Variants in TUSC3 observed in about 807,000 individuals in gnomAD.
TUSC3 encodes the protein tumor suppressor candidate 3.
A neutral mutation model predicts 44.8 loss-of-function variants in TUSC3; 45 were observed. The ratio of observed to expected loss-of-function variants is 1.00; its 90% CI spans 0.79 to 1.29. TUSC3 has a LOEUF of 1.29. TUSC3 is among the 50% of genes most tolerant of loss of function. The pLI is 0.00. For synonymous variants in TUSC3, 212 were observed against 152.9 expected (o/e 1.39, Z -2.85); for missense variants, 519 against 437.9 (o/e 1.19, Z -1.65).
At chr8:15,782,464 G>A in the TUSC3 span, among the ~76,000 whole-genome samples, 6 of 152,144 alleles carry the variant, frequency 3.9e-5, no homozygotes, top group African/African-American at 1.4e-4. Flanking sequence ...TGGTGACACA[G>A]TGAGACCCTG....
the TUSC3 span, among the ~76,000 whole-genome samples, chr8:15,805,645 G>A: frequency 1.3e-5 from 2 of 152,098 alleles, no homozygotes; most frequent in African/African-American, 4.8e-5. Flanking sequence ...TGCATATGTT[G>A]AACCAATTTT....
intron 2 of TUSC3, among the ~76,000 whole-genome samples, chr8:15,523,524 G>A (rs548943159): frequency 6.0e-5 from 9 of 151,212 alleles, no homozygotes; most frequent in Non-Finnish European, 1.0e-4. Flanking sequence ...ACCCATCAAG[G>A]TATTGTGTTT....
intron 2 of TUSC3, among the ~76,000 whole-genome samples, chr8:15,486,922 C>T (rs967571310): frequency 1.3e-5 from 2 of 152,252 alleles, no homozygotes; most frequent in African/African-American, 4.8e-5. Context: ...TTTTTCTAAT[C>T]ACTTAAATCT....
chr8:15,691,327 A>G (rs562766052), intron 6 of TUSC3, among the ~76,000 whole-genome samples: 1 of 152,140 alleles, frequency 6.6e-6, no homozygotes, highest in Non-Finnish European at 1.5e-5. Flanking sequence ...TTTGGTGTAT[A>G]GGAATGCTAT....
chr8:15,658,603 A>G (rs1222857725), intron 3 of TUSC3, among the ~76,000 whole-genome samples: 1 of 151,036 alleles, frequency 6.6e-6, no homozygotes, highest in Non-Finnish European at 1.5e-5. Context: ...TTCCTGGGCA[A>G]CAGAAATTTA....
At chr8:15,634,932 A>G (rs201661557) in intron 2 of TUSC3, among the ~76,000 whole-genome samples, 1 of 152,192 alleles carries the variant, frequency 6.6e-6, no homozygotes, top group African/African-American at 2.4e-5. Context: ...TCCGTAGGCC[A>G]CTGCAGGAGG....
chr8:15,463,672 C>T (rs1423400503), intron 1 of TUSC3, among the ~76,000 whole-genome samples: 2 of 152,034 alleles, frequency 1.3e-5, no homozygotes, highest in African/African-American at 2.4e-5. Flanking sequence ...CTGCAAGGCA[C>T]CATTAAGTTA....
At chr8:15,837,660 A>G in the TUSC3 span, among the ~76,000 whole-genome samples, 1 of 152,086 alleles carries the variant, frequency 6.6e-6, no homozygotes. Context: ...TTGTCTTGTT[A>G]TCACTCACCT....
chr8:15,617,003 G>T (rs1805013036), intron 1 of TUSC3, among the ~76,000 whole-genome samples: 1 of 152,122 alleles, frequency 6.6e-6, no homozygotes, highest in Non-Finnish European at 1.5e-5. Context: ...GAGATTTCCG[G>T]CTAGCGAAGT....
chr8:15,489,832 C>G (rs903499), intron 2 of TUSC3, among the ~76,000 whole-genome samples: 71,214 of 151,982 alleles, frequency 0.47, 16,911 homozygotes, highest in East Asian at 0.67. Context: ...CCTTGGCCAA[C>G]AGATGGGGTC....
chr8:15,638,284 A>G (rs1161280584), intron 2 of TUSC3, among the ~76,000 whole-genome samples: 1 of 151,702 alleles, frequency 6.6e-6, no homozygotes, highest in African/African-American at 2.4e-5. Flanking sequence ...CCTCACTTCC[A>G]TTTACATTTA....
chr8:15,650,571 C>T, intron 2 of TUSC3, 126 bp from the exon 3 acceptor site: 1 of 700,408 alleles, frequency 1.4e-6, no homozygotes, highest in Non-Finnish European at 2.5e-6. Context: ...ATTTTAAAAA[C>T]TATGCTTTTC....
At chr8:15,539,424 C>T (rs569887535), upstream of TUSC3, among the ~76,000 whole-genome samples, 6 of 134,158 alleles carry the variant, frequency 4.5e-5, no homozygotes, top group South Asian at 7.2e-4. Context: ...GTGATCTCGG[C>T]TCACTGCAAC....
rs557129799 is a variant in TUSC3, at chr8:15,671,136, C to T, written c.709-2611C>T. Among the ~76,000 whole-genome samples, 11 of 151,928 alleles carry T rather than the reference C, an allele frequency of 7.2e-5. No individual in the cohort carries two copies. In the South Asian group the frequency reaches 2.3e-3, roughly 31 times the overall value. On this transcript the variant is annotated intron_variant, in intron 5 of 10. Transcript: ENST00000503731. ...TGAGAAATGTGTTTGGTTTTATCTG[C>T]TAAAGCTGAGTATTTACATACTCTG... is the stretch of plus-strand genomic sequence containing the variant.
At chr8:15,464,594 C>G (rs896416731) in intron 1 of TUSC3, among the ~76,000 whole-genome samples, 4 of 152,060 alleles carry the variant, frequency 2.6e-5, no homozygotes, top group Non-Finnish European at 2.9e-5. Context: ...ATATATCAGT[C>G]TTTTATATCT....
intron 2 of TUSC3, among the ~76,000 whole-genome samples, chr8:15,512,015 T>G (rs569297532): frequency 6.6e-6 from 1 of 152,314 alleles, no homozygotes; most frequent in African/African-American, 2.4e-5. Flanking sequence ...ACAAGCTGAT[T>G]CTAAAGTTCA....
the TUSC3 span, among the ~76,000 whole-genome samples, chr8:15,843,539 CA>C: frequency 6.6e-6 from 1 of 150,636 alleles, no homozygotes; most frequent in South Asian, 2.1e-4. Context: ...AATTTTCTAC[CA>C]TCTCAAAAAT....
the TUSC3 span, among the ~76,000 whole-genome samples, chr8:15,801,502 C>G: frequency 4.5e-3 from 672 of 149,932 alleles, 3 homozygotes; most frequent in Non-Finnish European, 6.6e-3. Context: ...AATTAGTAGC[C>G]TTGAGAAAAA....
chr8:15,623,076 G>A lies in TUSC3; in HGVS notation c.139-4G>A, dbSNP rs759879266. ...TAAATGTTAATTTCTGTGTTTAATTGCAGAATCTTTTAGCTGAAAAAGTAG... is the reference window on the plus strand; with the variant it reads ...TAAATGTTAATTTCTGTGTTTAATTACAGAATCTTTTAGCTGAAAAAGTAG... On this transcript the variant is annotated splice_polypyrimidine_tract_variant and splice_region_variant and intron_variant, in intron 1 of 10. Coordinates refer to ENST00000503731, the MANE Select transcript of TUSC3 (RefSeq NM_006765.4). 4 of 1,613,354 alleles carry A rather than the reference G, an allele frequency of 2.5e-6. No homozygotes were observed. The highest frequency in any genetic ancestry group is 3.3e-5 in the Admixed American group (2 of 59,974).
Sources: allele counts gnomAD v4.1 joint callset (sites outside exome capture counted in the v4.1 genomes callset), GRCh38; gene constraint gnomAD v4.1.1; transcripts MANE v1.5; gene names NCBI Gene and HGNC (gene_info 2026-07-23, HGNC 2026-07-21).